IKBKB: variants seen among roughly 807,000 people sequenced by gnomAD.
The protein encoded by IKBKB is inhibitor of nuclear factor kappa-B kinase subunit beta.
Under a neutral mutation model 113.6 loss-of-function variants are expected in IKBKB, and 42 were observed. That is an observed-to-expected ratio of 0.37 (90% CI 0.29 to 0.48). The LOEUF is 0.48. Among genes scored for constraint, IKBKB ranks in the 20% least tolerant of loss-of-function variants. The pLI is 0.99. For missense variants in IKBKB, 673 were observed against 939.7 expected (o/e 0.72, Z 3.71); for synonymous variants, 296 against 361.3 (o/e 0.82, Z 2.05).
chr8:42,277,171 G>C (rs756048654), intron 2 of IKBKB, among the ~76,000 whole-genome samples: 1 of 146,728 alleles, frequency 6.8e-6, no homozygotes, highest in African/African-American at 2.5e-5. Context: ...ACCCGGCCAC[G>C]TGTGGCTAAT....
At chr8:42,283,260 T>A (rs1810712099) in intron 2 of IKBKB, among the ~76,000 whole-genome samples, 1 of 152,208 alleles carries the variant, frequency 6.6e-6, no homozygotes, top group South Asian at 2.1e-4. Flanking sequence ...TTTTTGGATC[T>A]GATGATCTGT....
At chr8:42,290,446 G>GGT (rs1812377388) in intron 4 of IKBKB, among the ~76,000 whole-genome samples, 173 bp downstream of exon 4, 1 of 151,878 alleles carries the variant, frequency 6.6e-6, no homozygotes, top group African/African-American at 2.4e-5. Context: ...ACCTGGGGCT[G>GGT]GTGTGTGTGT....
At chr8:42,291,151 A>G in intron 4 of IKBKB, among the ~76,000 whole-genome samples, 1 of 152,204 alleles carries the variant, frequency 6.6e-6, no homozygotes, top group Admixed American at 6.5e-5. Context: ...ATAAGGCCAT[A>G]TAACATTATG....
At chr8:42,291,338 C>T (rs563510271) in intron 4 of IKBKB, among the ~76,000 whole-genome samples, 4 of 152,220 alleles carry the variant, frequency 2.6e-5, no homozygotes, top group African/African-American at 9.6e-5. Flanking sequence ...CCCGCCCCCA[C>T]GCCTGGCTAA....
At position 42,316,473 on chromosome 8, in the gene IKBKB, C is replaced by A; in HGVS notation, c.930+134C>A. ...TTAGGCTCCTGCATCAGTCTTTCTG[C>A]ATAAGTAAAGAAAGGACAGTTGTGC... On this transcript the variant is annotated intron_variant, in intron 10 of 21. Transcript: ENST00000520810. The surrounding 1 kb of genome is among the most constrained non-coding windows in gnomAD (Gnocchi z 4.5). 9.1e-7 allele frequency: 1 copy of A among 1,098,844 alleles called. No homozygotes were observed. The highest frequency in any genetic ancestry group is 1.3e-6 in the Non-Finnish European group (1 of 770,256). The allele number at this position is 1,098,844 out of a possible 1,614,324, so 68.1% of individuals were successfully genotyped here.
rs1414819083 is a variant in IKBKB at position 42,274,784 on chromosome 8, GCGCC to G, written c.105+2581_105+2584del. 4.1e-3 allele frequency among the ~76,000 whole-genome samples: 169 copies of G among 41,712 alleles called. 16 individuals are homozygous for G. Among genetic ancestry groups the G allele is most frequent in the African/African-American group, 6.2e-3 (146 of 23,674 alleles). The allele number at this position is 41,712 out of a possible 152,430, so 27.4% of individuals were successfully genotyped here. On this transcript the variant is annotated intron_variant, in intron 2 of 21. Coordinates refer to ENST00000520810, the MANE Select transcript of IKBKB (RefSeq NM_001556.3). ...CTGAACTTAGGTGATCCCCGCCGGCGCGCCCCCCCCCCCCCCCGCCATCCCAGCC... is the reference window on the plus strand; with the variant it reads ...CTGAACTTAGGTGATCCCCGCCGGCGCCCCCCCCCCCCCGCCATCCCAGCC...
At chr8:42,298,189 C>T (rs1321341951) in intron 5 of IKBKB, 3 of 985,344 alleles carry the variant, frequency 3.0e-6, no homozygotes, top group African/African-American at 3.5e-5. Context: ...CTCAAGATTG[C>T]AGGGCAGGCT....
At chr8:42,281,834 G>A (rs1449710034) in intron 2 of IKBKB, among the ~76,000 whole-genome samples, 4 of 152,082 alleles carry the variant, frequency 2.6e-5, no homozygotes, top group African/African-American at 4.8e-5. Flanking sequence ...CCATGATAAC[G>A]GGACACTGGG....
intron 9 of IKBKB, 69 bp downstream of exon 9, chr8:42,314,498 G>T (rs1818301021): frequency 9.3e-7 from 1 of 1,075,790 alleles, no homozygotes. Context: ...GTCTTGGCTG[G>T]CCGTGGTGGC....
At chr8:42,312,183 G>C (rs1276261559) in intron 8 of IKBKB, among the ~76,000 whole-genome samples, 1 of 152,258 alleles carries the variant, frequency 6.6e-6, no homozygotes, top group Admixed American at 6.5e-5. Flanking sequence ...ACCGCGCCCG[G>C]CTGTAGTGGT....
intron 20 of IKBKB, 123 bp downstream of exon 20, chr8:42,326,220 G>A: frequency 8.2e-7 from 1 of 1,215,708 alleles, no homozygotes. Context: ...GATGTTTGTT[G>A]CATCTGCTGG....
At chr8:42,289,338 C>T (rs1310960002) in intron 3 of IKBKB, among the ~76,000 whole-genome samples, 1 of 152,228 alleles carries the variant, frequency 6.6e-6, no homozygotes, top group East Asian at 1.9e-4. Flanking sequence ...CACACTGGGC[C>T]TTGTCAAGGG....
Position 42,284,531 on chromosome 8 carries a change from G to A in IKBKB, c.106-4103G>A, listed in dbSNP as rs866226088. On this transcript the variant is annotated intron_variant, in intron 2 of 21. Coordinates refer to ENST00000520810, the MANE Select transcript of IKBKB (RefSeq NM_001556.3). Reference sequence around the variant, plus strand: ...CGGGAGGCGGAGCTTGCAGTGAGCCGAGGTCGTGCCACTGCACTCCAGCCT... The same window carrying A: ...CGGGAGGCGGAGCTTGCAGTGAGCCAAGGTCGTGCCACTGCACTCCAGCCT... Among the ~76,000 whole-genome samples the A allele has an allele frequency of 2.4e-4, 36 of 150,810 alleles. 1 individual carries two copies. Among genetic ancestry groups the A allele is most frequent in the African/African-American group, 7.5e-4 (31 of 41,064 alleles).
chr8:42,298,673 T>C (rs1814440278), intron 5 of IKBKB, among the ~76,000 whole-genome samples: 1 of 152,126 alleles, frequency 6.6e-6, no homozygotes, highest in Non-Finnish European at 1.5e-5. Flanking sequence ...GGCTCCACCA[T>C]TTTATAGCTC....
In IKBKB at chr8:42,272,060, TCCCCATCCC is replaced by T; in HGVS notation, c.-18-22_-18-14del. Reference sequence around the variant, plus strand: ...TTTTTTTCTTAATCCTAACCTTTTTTCCCCATCCCAAATTGCTTATAGAGTTAGCACGAC... The same window carrying T: ...TTTTTTTCTTAATCCTAACCTTTTTTAAATTGCTTATAGAGTTAGCACGAC... On this transcript the variant is annotated splice_polypyrimidine_tract_variant and intron_variant, in intron 1 of 21. Coordinates refer to ENST00000520810, the MANE Select transcript of IKBKB (RefSeq NM_001556.3). 6.3e-7 allele frequency: 1 copy of T among 1,596,900 alleles called. No individual in the cohort carries two copies. The highest frequency in any genetic ancestry group is 1.3e-5 in the African/African-American group (1 of 74,312).
chr8:42,295,169 TG>T (rs1229320326), intron 5 of IKBKB, among the ~76,000 whole-genome samples: 3 of 6,732 alleles, frequency 4.5e-4, no homozygotes, highest in South Asian at 7.2e-3. Flanking sequence ...CCCAGGCTGG[TG>T]TTGCAGTAGG....
At chr8:42,304,235 T>C (rs962423620) in intron 5 of IKBKB, among the ~76,000 whole-genome samples, 6 of 152,250 alleles carry the variant, frequency 3.9e-5, no homozygotes, top group Non-Finnish European at 8.8e-5. Context: ...TCTCCATCTC[T>C]AGTCATAGCA....
At chr8:42,308,858 C>T (rs1286535911) in intron 7 of IKBKB, 43 bp from the exon 8 acceptor site, 1 of 1,606,408 alleles carries the variant, frequency 6.2e-7, no homozygotes, top group Non-Finnish European at 8.5e-7. Flanking sequence ...CGTGGTCCCC[C>T]CAGAGAGGAG....
At chr8:42,300,802 T>G (rs1815034823) in intron 5 of IKBKB, among the ~76,000 whole-genome samples, 1 of 152,176 alleles carries the variant, frequency 6.6e-6, no homozygotes, top group African/African-American at 2.4e-5. Context: ...ACTGTGTCAT[T>G]TATCTTAGTT....
Sources: gnomAD v4.1 joint callset for allele counts (sites outside exome capture counted in the v4.1 genomes callset) on GRCh38, gnomAD v4.1.1 for gene constraint, Gnocchi (gnomAD v3.1) non-coding constraint, MANE v1.5 for transcripts, NCBI Gene and HGNC (gene_info 2026-07-23, HGNC 2026-07-21) for gene names.